Variants in CAMK2B observed in about 807,000 individuals in gnomAD.
CAMK2B encodes the protein calcium/calmodulin dependent protein kinase II beta.
A neutral mutation model predicts 93.7 loss-of-function variants in CAMK2B; 27 were observed. The ratio of observed to expected loss-of-function variants is 0.29; its 90% CI spans 0.21 to 0.40. The LOEUF is 0.40. Ranked by LOEUF, CAMK2B falls within the 10% of genes least tolerant of loss-of-function variation. The probability of loss-of-function intolerance (pLI) is 1.00; values close to 1 mark genes in which losing one functional copy is unlikely to be tolerated. For missense variants in CAMK2B, 568 were observed against 895.8 expected (o/e 0.63, Z 4.67); for synonymous variants, 374 against 358.8 (o/e 1.04, Z -0.48).
In CAMK2B at chr7:44,325,329, C is replaced by T. The variant is rs768155391; in HGVS notation, c.65+28G>A. Reference sequence around the variant, plus strand: ...GGTCCCGGCCCTCTGGGGTCCCCGGCCCAGCCCGCGCGCGCCGCTGCTCTT... The same window carrying T: ...GGTCCCGGCCCTCTGGGGTCCCCGGTCCAGCCCGCGCGCGCCGCTGCTCTT... On this transcript the variant is annotated intron_variant, in intron 1 of 23. Coordinates refer to ENST00000395749, the MANE Select transcript of CAMK2B (RefSeq NM_001220.5). 5.0e-6 allele frequency: 6 copies of T among 1,211,562 alleles called. No homozygotes were observed. The South Asian group carries it at 1.0e-4, about 20-fold the overall frequency. 75.1% of individuals were successfully genotyped at this position (1,211,562 alleles called of 1,614,324 possible).
chr7:44,292,289 T>C (rs534714792), intron 1 of CAMK2B, among the ~76,000 whole-genome samples: 59 of 152,336 alleles, frequency 3.9e-4, no homozygotes, highest in African/African-American at 1.3e-3. Flanking sequence ...ATCTCCAATA[T>C]GACCTCATCC....
At chr7:44,321,279 C>T (rs1053289090) in intron 1 of CAMK2B, among the ~76,000 whole-genome samples, 2 of 152,128 alleles carry the variant, frequency 1.3e-5, no homozygotes, top group African/African-American at 4.8e-5. Context: ...AGAAGGCATC[C>T]GCCAGCTGAC....
chr7:44,276,171 G>A (rs1010157519), intron 2 of CAMK2B, among the ~76,000 whole-genome samples: 13 of 152,054 alleles, frequency 8.5e-5, no homozygotes, highest in Middle Eastern at 3.4e-3. Flanking sequence ...CCCCTGAGCC[G>A]GGGAGGAGGG....
chr7:44,274,774 G>A (rs1334401611), intron 2 of CAMK2B, among the ~76,000 whole-genome samples: 1 of 152,222 alleles, frequency 6.6e-6, no homozygotes, highest in Admixed American at 6.5e-5. Flanking sequence ...GGAGGGGGCT[G>A]TGCCCACACT....
chr7:44,308,887 C>T (rs1792694231), intron 1 of CAMK2B, among the ~76,000 whole-genome samples: 1 of 152,084 alleles, frequency 6.6e-6, no homozygotes, highest in Non-Finnish European at 1.5e-5. Context: ...GGCCTCTGTC[C>T]ATGGCCAGCC....
intron 1 of CAMK2B, among the ~76,000 whole-genome samples, chr7:44,308,063 A>T (rs1792412122): frequency 6.6e-6 from 1 of 152,150 alleles, no homozygotes; most frequent in Non-Finnish European, 1.5e-5. Flanking sequence ...CATTCACCTC[A>T]TGTAGCCCAA....
intron 20 of CAMK2B, 97 bp from the exon 21 acceptor site, chr7:44,220,998 G>T: frequency 1.0e-6 from 1 of 986,624 alleles, no homozygotes; most frequent in Non-Finnish European, 1.5e-6. Flanking sequence ...AGCGCGAGCT[G>T]CATCCATGCC....
chr7:44,295,747 T>C (rs540784795), intron 1 of CAMK2B, among the ~76,000 whole-genome samples: 9 of 152,174 alleles, frequency 5.9e-5, no homozygotes, highest in Non-Finnish European at 1.3e-4. Flanking sequence ...AACCCTGCCC[T>C]CAGGAGAAAT....
At chr7:44,289,820 G>T (rs1426415701) in intron 1 of CAMK2B, among the ~76,000 whole-genome samples, 2 of 152,244 alleles carry the variant, frequency 1.3e-5, no homozygotes, top group Non-Finnish European at 2.9e-5. Context: ...GCTGGGCCAC[G>T]CAGGATCAAA....
intron 2 of CAMK2B, among the ~76,000 whole-genome samples, chr7:44,272,760 C>G (rs1000100361): frequency 1.3e-5 from 2 of 152,226 alleles, no homozygotes; most frequent in Non-Finnish European, 2.9e-5. Context: ...CACTTCCAGG[C>G]TACACACTGG....
At chr7:44,220,805 C>G in intron 21 of CAMK2B, 21 bp downstream of exon 21, 1 of 1,560,544 alleles carries the variant, frequency 6.4e-7, no homozygotes, top group Non-Finnish European at 8.7e-7. Flanking sequence ...GCACAGCCCC[C>G]CCCCAGCCCC....
At chr7:44,296,611 A>AC (rs1039651088) in intron 1 of CAMK2B, among the ~76,000 whole-genome samples, 1 of 152,104 alleles carries the variant, frequency 6.6e-6, no homozygotes, top group South Asian at 2.1e-4. Flanking sequence ...CAGAAGAAAT[A>AC]CCCCAAAGTG....
chr7:44,317,586 GA>G (rs1795122498), intron 1 of CAMK2B, among the ~76,000 whole-genome samples: 1 of 152,134 alleles, frequency 6.6e-6, no homozygotes, highest in Non-Finnish European at 1.5e-5. Flanking sequence ...CCAGGCCTCT[GA>G]ATGATATTTT....
Position 44,220,194 on chromosome 7 carries a change from C to T in CAMK2B, c.1869G>A (p.Thr623=), listed in dbSNP as rs149916298. The T allele has an allele frequency of 4.4e-4, 705 of 1,613,128 alleles. 5 individuals are homozygous for T. The African/African-American group carries it at 7.7e-3, about 18-fold the overall frequency. ...GCCGGCCCTGCCCGTCAATGTACTG[C>T]GTGAGCCGGATGTAAGCGATGCAGG... ...DAACIAYIRL[T]QYIDGQGRPR... is the part of the protein sequence containing the mutation. The change falls in exon 23 of 24, where the codon ACG becomes ACA. Residue 623 remains threonine, a synonymous_variant. Coordinates refer to ENST00000395749, the MANE Select transcript of CAMK2B (RefSeq NM_001220.5).
intron 1 of CAMK2B, among the ~76,000 whole-genome samples, chr7:44,289,832 C>T (rs116941441): frequency 0.088 from 13,466 of 152,310 alleles, 801 homozygotes; most frequent in Non-Finnish European, 0.12. Context: ...AGGATCAAAG[C>T]GGCCTCTGAG....
chr7:44,277,455 T>G (rs1584511196), intron 2 of CAMK2B, among the ~76,000 whole-genome samples: 1 of 152,006 alleles, frequency 6.6e-6, no homozygotes, highest in Non-Finnish European at 1.5e-5. Flanking sequence ...GGGGCCTGAG[T>G]GTTTCTGGAG....
intron 1 of CAMK2B, among the ~76,000 whole-genome samples, chr7:44,313,286 A>G (rs922639065): frequency 6.6e-6 from 1 of 152,130 alleles, no homozygotes; most frequent in Non-Finnish European, 1.5e-5. Flanking sequence ...CTGCAATGGA[A>G]GTCGTCCTGC....
chr7:44,303,652 A>C (rs1322697019), intron 1 of CAMK2B, among the ~76,000 whole-genome samples: 1 of 152,216 alleles, frequency 6.6e-6, no homozygotes, highest in Admixed American at 6.5e-5. Context: ...AAAACTTCTA[A>C]AAAATAACAT....
chr7:44,265,818 A>G, intron 2 of CAMK2B, among the ~76,000 whole-genome samples: 1 of 152,156 alleles, frequency 6.6e-6, no homozygotes, highest in East Asian at 1.9e-4. Flanking sequence ...AACACCCACA[A>G]CAGCACCTCG....
Sources: gnomAD v4.1 joint callset for allele counts (sites outside exome capture counted in the v4.1 genomes callset) on GRCh38, gnomAD v4.1.1 for gene constraint, MANE v1.5 for transcripts, NCBI Gene and HGNC (gene_info 2026-07-23, HGNC 2026-07-21) for gene names.